The following BMAL1 variants were observed in gnomAD, a reference collection of about 807,000 sequenced individuals.
BMAL1 encodes the protein basic helix-loop-helix ARNT like 1.
the BMAL1 span, among the ~76,000 whole-genome samples, chr11:13,325,696 G>GTGTGTGTGTGTGTGTGT: frequency 3.7e-5 from 1 of 27,208 alleles, no homozygotes; most frequent in African/African-American, 1.0e-4. Flanking sequence ...TGTGTGTGTG[G>GTGTGTGTGTGTGTGTGT]GCTTGAATGA....
At chr11:13,367,705 A>AG in the BMAL1 span, among the ~76,000 whole-genome samples, 28 of 109,170 alleles carry the variant, frequency 2.6e-4, no homozygotes, top group African/African-American at 8.8e-4. Flanking sequence ...ACTCTGTCTC[A>AG]GAAAAAAAAA....
At chr11:13,358,569 T>G in the BMAL1 span, 1 of 1,606,254 alleles carries the variant, frequency 6.2e-7, no homozygotes, top group Non-Finnish European at 8.5e-7. Flanking sequence ...GGATGGCTGT[T>G]CAGCACATGA....
At chr11:13,337,986 A>C in the BMAL1 span, among the ~76,000 whole-genome samples, 1 of 151,994 alleles carries the variant, frequency 6.6e-6, no homozygotes, top group Admixed American at 6.5e-5. Flanking sequence ...AACAACACTG[A>C]CTAGCATGAA....
the BMAL1 span, chr11:13,372,118 G>A: frequency 1.9e-6 from 3 of 1,607,522 alleles, no homozygotes; most frequent in Non-Finnish European, 8.5e-7. Context: ...ACACCTCCAT[G>A]GCCCAAACCT....
At chr11:13,339,430 T>TACACACACACACACACACACACAC in the BMAL1 span, among the ~76,000 whole-genome samples, 13 of 144,290 alleles carry the variant, frequency 9.0e-5, no homozygotes, top group African/African-American at 3.4e-4. Context: ...GCCCTGCTTT[T>TACACACACACACACACACACACAC]ACACACACAC....
At chr11:13,368,086 T>C in the BMAL1 span, among the ~76,000 whole-genome samples, 1 of 152,254 alleles carries the variant, frequency 6.6e-6, no homozygotes, top group Non-Finnish European at 1.5e-5. Context: ...TTGTTCTTTA[T>C]AGTCTAGCCT....
the BMAL1 span, chr11:13,365,685 A>G: frequency 4.1e-6 from 4 of 967,690 alleles, no homozygotes; most frequent in Admixed American, 7.3e-5. Flanking sequence ...TACAAGTCAC[A>G]TGTGAACTTC....
chr11:13,377,871 C>A, the BMAL1 span, among the ~76,000 whole-genome samples: 3 of 152,232 alleles, frequency 2.0e-5, no homozygotes, highest in Admixed American at 2.0e-4. Context: ...AATTCATATT[C>A]ATCTCTCAAG....
the BMAL1 span, among the ~76,000 whole-genome samples, chr11:13,285,691 G>A: frequency 6.6e-6 from 1 of 152,154 alleles, no homozygotes; most frequent in African/African-American, 2.4e-5. Flanking sequence ...GTGTACAGAT[G>A]TTTTCTGCCT....
the BMAL1 span, among the ~76,000 whole-genome samples, chr11:13,281,284 T>C: frequency 6.6e-6 from 1 of 152,056 alleles, no homozygotes; most frequent in East Asian, 1.9e-4. Context: ...TACCAGGCAA[T>C]TTACATGTGT....
the BMAL1 span, chr11:13,354,161 T>C: frequency 5.0e-6 from 4 of 796,486 alleles, no homozygotes; most frequent in Admixed American, 9.8e-5. Flanking sequence ...GAGAGATGCA[T>C]TAGTGCTGCT....
At chr11:13,363,127 C>CATAT in the BMAL1 span, among the ~76,000 whole-genome samples, 11,719 of 106,608 alleles carry the variant, frequency 0.11, 805 homozygotes, top group East Asian at 0.13. Flanking sequence ...GTCTTTATTT[C>CATAT]ATATATATAT....
At chr11:13,366,912 G>T in the BMAL1 span, 1 of 542,542 alleles carries the variant, frequency 1.8e-6, no homozygotes, top group Non-Finnish European at 3.2e-6. Context: ...TCTTTCTGGG[G>T]CACCAGAGCT....
chr11:13,366,794 A>C, the BMAL1 span: 2 of 1,608,528 alleles, frequency 1.2e-6, no homozygotes, highest in Non-Finnish European at 8.5e-7. Flanking sequence ...TGAGTACCAG[A>C]GAGGCCTCGC....
At chr11:13,381,246 G>C in the BMAL1 span, 1 of 1,613,996 alleles carries the variant, frequency 6.2e-7, no homozygotes, top group Non-Finnish European at 8.5e-7. Context: ...TTCTCCAGGA[G>C]GCAAGAAGGT....
chr11:13,376,401 A>G, the BMAL1 span: 27 of 541,902 alleles, frequency 5.0e-5, no homozygotes, highest in African/African-American at 3.8e-4. Flanking sequence ...TGCAGCCACC[A>G]CCTCTGCTGA....
chr11:13,362,742 G>A, the BMAL1 span, among the ~76,000 whole-genome samples: 2 of 152,156 alleles, frequency 1.3e-5, no homozygotes, highest in African/African-American at 4.8e-5. Context: ...TATGACCGAT[G>A]CCTGTAGCAT....
chr11:13,284,180 GTATATATATATA>G, the BMAL1 span, among the ~76,000 whole-genome samples: 1 of 21,140 alleles, frequency 4.7e-5, no homozygotes, highest in Admixed American at 5.1e-4. Flanking sequence ...ATATATATGT[GTATATATATATA>G]TGTGTGTATA....
At chr11:13,288,096 C>T in the BMAL1 span, among the ~76,000 whole-genome samples, 5 of 152,060 alleles carry the variant, frequency 3.3e-5, no homozygotes, top group East Asian at 1.9e-4. Context: ...AGTGGCTGAG[C>T]GGAAACAGCA....
Sources: gnomAD v4.1 joint callset for allele counts (sites outside exome capture counted in the v4.1 genomes callset) on GRCh38, gnomAD v4.1.1 for gene constraint, MANE v1.5 for transcripts, NCBI Gene and HGNC (gene_info 2026-07-23, HGNC 2026-07-21) for gene names.